The following BIRC6 variants were observed in gnomAD, a reference collection of about 807,000 sequenced individuals.
The protein encoded by BIRC6 is baculoviral IAP repeat containing 6.
BIRC6 carries 98 observed loss-of-function variants against 503.3 expected under a neutral mutation model. That is an observed-to-expected ratio of 0.19 (90% CI 0.17 to 0.23). The LOEUF is 0.23. Ranked by LOEUF, BIRC6 falls within the 10% of genes least tolerant of loss-of-function variation. BIRC6 has a pLI of 1.00. For missense variants in BIRC6, 5,360 were observed against 5,806.0 expected, an observed-to-expected ratio of 0.92 and a Z score of 2.50; for synonymous variants, 2,240 against 2,078.7, an observed-to-expected ratio of 1.08 and a Z score of -2.11.
intron 10 of BIRC6, among the ~76,000 whole-genome samples, chr2:32,420,536 CAG>C (rs576757775): frequency 2.1e-3 from 326 of 151,968 alleles, no homozygotes; most frequent in East Asian, 4.4e-3. Context: ...TTTTTTGAGA[CAG>C]AGTCTTGCTT....
At chr2:32,510,482 C>A in intron 52 of BIRC6, 44 bp from the exon 53 acceptor site, 1 of 1,166,314 alleles carries the variant, frequency 8.6e-7, no homozygotes, top group Non-Finnish European at 1.3e-6. Context: ...CCATGGTTAA[C>A]TTGCTTATTT....
chr2:32,474,874 C>T (rs771489584), intron 33 of BIRC6, among the ~76,000 whole-genome samples: 1 of 151,884 alleles, frequency 6.6e-6, no homozygotes, highest in African/African-American at 2.4e-5. Context: ...TTTTTTTCAT[C>T]TATGGAGATA....
chr2:32,476,289 G>A lies in BIRC6; in HGVS notation c.6797G>A (p.Gly2266Glu). 1 of 1,568,452 alleles carries A rather than the reference G, an allele frequency of 6.4e-7. No individual in the cohort carries two copies. The highest frequency in any genetic ancestry group is 2.3e-5 in the East Asian group (1 of 42,938). The change falls in exon 34 of 74, where the codon GGA becomes GAA. Residue 2266 changes from glycine to glutamate, a missense_variant. This residue lies in a region of BIRC6 where 2,299 missense variants were observed against 2,267.2 expected (regional missense o/e 1.01). Coordinates refer to ENST00000421745, the MANE Select transcript of BIRC6 (RefSeq NM_016252.4). The part of the protein sequence containing the change: ...MEKEKIQSNK[G>E]SSYKLLVEQA... ...AAAGAAAAAATACAAAGTAACAAAGGATCATCATATAAACTCCTGGTAGAA... is the reference window on the plus strand; with the variant it reads ...AAAGAAAAAATACAAAGTAACAAAGAATCATCATATAAACTCCTGGTAGAA...
intron 45 of BIRC6, among the ~76,000 whole-genome samples, chr2:32,495,292 T>G (rs2052308586): frequency 6.6e-6 from 1 of 152,186 alleles, no homozygotes; most frequent in Non-Finnish European, 1.5e-5. Context: ...AGAAACTGTT[T>G]AGGAATTTTC....
In BIRC6 at chr2:32,408,404, C is replaced by T. The variant is rs370982733; in HGVS notation, c.1477+1847C>T. 3.9e-5 allele frequency among the ~76,000 whole-genome samples: 6 copies of T among 152,278 alleles called. No homozygotes were observed. The East Asian group carries it at 1.2e-3, about 29-fold the overall frequency. On this transcript the variant is annotated intron_variant, in intron 9 of 73. Coordinates refer to ENST00000421745, the MANE Select transcript of BIRC6 (RefSeq NM_016252.4). Reference sequence around the variant, plus strand: ...GGATTACAGAGGTGAGCCACTGCGCCCGGCCAAGTTTTTGAACTCTTTCAA... The same window carrying T: ...GGATTACAGAGGTGAGCCACTGCGCTCGGCCAAGTTTTTGAACTCTTTCAA...
At position 32,493,123 on chromosome 2, in the gene BIRC6, C is replaced by T. The variant is rs565953811; in HGVS notation, c.8341-417C>T. The stretch of plus-strand genomic sequence containing the variant: ...CTTTGCTAGTTGTTAGAAACATGAC[C>T]TTTTATGGATCATTTTACCTCTCTG... On this transcript the variant is annotated intron_variant, in intron 44 of 73. Transcript: ENST00000421745. 6.6e-5 allele frequency among the ~76,000 whole-genome samples: 10 copies of T among 151,342 alleles called. No homozygotes were observed. In the East Asian group the frequency reaches 1.9e-3, roughly 29 times the overall value.
intron 39 of BIRC6, 73 bp from the exon 40 acceptor site, chr2:32,485,570 C>A: frequency 1.0e-6 from 1 of 993,022 alleles, no homozygotes; most frequent in Non-Finnish European, 1.6e-6. Flanking sequence ...CAGATGTCAT[C>A]ATTTTATTGT....
At chr2:32,527,945 G>A (rs138493700) in intron 59 of BIRC6, 86 of 152,272 alleles carry the variant, frequency 5.6e-4, no homozygotes, top group Middle Eastern at 3.4e-3. Context: ...TTACGGCAGC[G>A]TGCATTAACA....
At chr2:32,454,913 G>A (rs922026942) in intron 23 of BIRC6, among the ~76,000 whole-genome samples, 3 of 152,042 alleles carry the variant, frequency 2.0e-5, no homozygotes, top group Non-Finnish European at 4.4e-5. Flanking sequence ...TCCTTTATAT[G>A]GTGATTCTAG....
intron 3 of BIRC6, among the ~76,000 whole-genome samples, chr2:32,380,495 G>A (rs1020439654): frequency 7.9e-5 from 12 of 152,176 alleles, no homozygotes; most frequent in African/African-American, 2.7e-4. Context: ...GGGAGGCTGA[G>A]GCGGGCAGAT....
At chr2:32,605,111 G>A (rs534584486) in intron 71 of BIRC6, among the ~76,000 whole-genome samples, 2 of 152,204 alleles carry the variant, frequency 1.3e-5, no homozygotes, top group East Asian at 3.9e-4. Context: ...TCGAGCCCCT[G>A]ATCTCAAGTG....
At chr2:32,433,139 A>G (rs551269123) in intron 12 of BIRC6, among the ~76,000 whole-genome samples, 12 of 152,306 alleles carry the variant, frequency 7.9e-5, no homozygotes, top group Non-Finnish European at 1.6e-4. Flanking sequence ...GTTTCTGTTT[A>G]CTGAGATTTG....
intron 3 of BIRC6, 141 bp from the exon 4 acceptor site, chr2:32,388,609 G>T: frequency 1.6e-6 from 1 of 619,390 alleles, no homozygotes; most frequent in Non-Finnish European, 2.6e-6. Flanking sequence ...ATAACTGCAA[G>T]TTTCTGTTTT....
chr2:32,518,925 G>C lies in BIRC6; in HGVS notation c.11602G>C (p.Asp3868His). 6.2e-7 allele frequency: 1 copy of C among 1,613,702 alleles called. No individual in the cohort carries two copies. Among genetic ancestry groups the C allele is most frequent in the Non-Finnish European group, 8.5e-7 (1 of 1,179,764 alleles). The change falls in exon 57 of 74, where the codon GAT (aspartate) becomes CAT (histidine). Residue 3868 changes from aspartate (D) to histidine (H), a missense_variant. Around this residue, in one of 16 missense-constraint regions of BIRC6, gnomAD observed 878 missense variants for 928.9 expected, o/e 0.95. Coordinates refer to ENST00000421745, the MANE Select transcript of BIRC6 (RefSeq NM_016252.4). Reference protein sequence around the residue: ...LHLPVSTTLSDVLDRVSDTPS... With the variant: ...LHLPVSTTLSHVLDRVSDTPS... ...TTTGCCAGTCTCAACAACATTATCA[G>C]ATGTTCTTGACAGAGTGTCAGGCAA...
intron 50 of BIRC6, among the ~76,000 whole-genome samples, chr2:32,507,644 T>C (rs1209649744): frequency 6.6e-6 from 1 of 152,202 alleles, no homozygotes; most frequent in East Asian, 1.9e-4. Flanking sequence ...TTGAGTAAAA[T>C]AGAAATGATG....
At chr2:32,489,273 T>C (rs1201417454) in intron 42 of BIRC6, among the ~76,000 whole-genome samples, 1 of 152,084 alleles carries the variant, frequency 6.6e-6, no homozygotes, top group Non-Finnish European at 1.5e-5. Flanking sequence ...TTTCTCTCTA[T>C]AGTGAGGCAT....
chr2:32,488,612 C>A lies in BIRC6; in HGVS notation c.7993C>A (p.Leu2665Ile). The A allele has an allele frequency of 6.5e-7, 1 of 1,531,456 alleles. No homozygotes were observed. The highest frequency in any genetic ancestry group is 8.8e-7 in the Non-Finnish European group (1 of 1,137,728). The allele number at this position is 1,531,456 out of a possible 1,614,324, so 94.9% of individuals were successfully genotyped here. The stretch of plus-strand genomic sequence containing the variant: ...GTTGGAGTCACTTCTCCAATTGTGG[C>A]TCACACTGAGCCTGAATTCTAGTTC... ...VQLESLLQLW[L>I]TLSLNSSSTG... Residue 2665 changes from leucine (L) to isoleucine (I), a missense_variant, in exon 42 of 74, where the codon CTC becomes ATC. This residue lies in a region of BIRC6 where 2,299 missense variants were observed against 2,267.2 expected (regional missense o/e 1.01). Transcript: ENST00000421745.
chr2:32,395,511 C>G lies in BIRC6; in HGVS notation c.952C>G (p.Pro318Ala), dbSNP rs367862570. The G allele has an allele frequency of 5.0e-6, 8 of 1,603,118 alleles. No homozygotes were observed. Among genetic ancestry groups the G allele is most frequent in the South Asian group, 1.1e-5 (1 of 89,492 alleles). Residue 318 changes from proline to alanine, a missense_variant and splice_region_variant, in exon 6 of 74, where the codon CCT becomes GCT. Physicochemically the swap from Pro to Ala is conservative, Grantham distance 27 (BLOSUM62 -1). Around this residue, in one of 16 missense-constraint regions of BIRC6, gnomAD observed 92 missense variants for 176.7 expected, o/e 0.52. Coordinates refer to ENST00000421745, the MANE Select transcript of BIRC6 (RefSeq NM_016252.4). The part of the protein sequence containing the change: ...PMAQAGFYHQ[P>A]ASSGDDRAMC... ...GTCTCTTTTCTTTATAATTTTGCAG[C>G]CTGCCTCATCTGGAGATGATAGAGC... is the stretch of plus-strand genomic sequence containing the variant.
At chr2:32,446,032 G>GT (rs1225578725) in intron 21 of BIRC6, among the ~76,000 whole-genome samples, 3 of 151,730 alleles carry the variant, frequency 2.0e-5, no homozygotes, top group Non-Finnish European at 2.9e-5. Context: ...AATTTTGTAT[G>GT]TTTAGTAGAG....
Sources: allele counts gnomAD v4.1 joint callset (sites outside exome capture counted in the v4.1 genomes callset), GRCh38; gene constraint gnomAD v4.1.1; regional missense constraint gnomAD v4.1.1; transcripts MANE v1.5; gene names NCBI Gene and HGNC (gene_info 2026-07-23, HGNC 2026-07-21).